PTPRD: variants seen among roughly 807,000 people sequenced by gnomAD.
PTPRD encodes protein tyrosine phosphatase receptor type D.
A neutral mutation model predicts 214.5 loss-of-function variants in PTPRD; 34 were observed. That is an observed-to-expected ratio of 0.16 (90% CI 0.12 to 0.21). The LOEUF is 0.21. PTPRD is among the 10% of genes least tolerant of loss of function. The pLI is 1.00. For synonymous variants in PTPRD, 1,128 were observed against 845.7 expected, an observed-to-expected ratio of 1.33 and a Z score of -5.79; for missense variants, 2,545 against 2,398.7, an observed-to-expected ratio of 1.06 and a Z score of -1.27.
intron 2 of PTPRD, among the ~76,000 whole-genome samples, chr9:10,550,877 T>A (rs1407559841): frequency 2.0e-5 from 3 of 152,206 alleles, no homozygotes; most frequent in African/African-American, 7.2e-5. Flanking sequence ...ATTCCACACA[T>A]CATTACATAT....
chr9:9,957,227 G>A (rs906660358), intron 4 of PTPRD, among the ~76,000 whole-genome samples: 2 of 151,976 alleles, frequency 1.3e-5, no homozygotes, highest in African/African-American at 4.8e-5. Context: ...CATTAACAGA[G>A]GCAAAGAATA....
intron 5 of PTPRD, among the ~76,000 whole-genome samples, chr9:9,868,783 TATAAACA>T (rs1277035621): frequency 7.2e-5 from 11 of 151,916 alleles, no homozygotes; most frequent in African/African-American, 2.4e-4. Flanking sequence ...ACAAATGACT[TATAAACA>T]ATAAAGAATT....
At chr9:10,563,586 T>C (rs375488956) in intron 2 of PTPRD, among the ~76,000 whole-genome samples, 1 of 152,184 alleles carries the variant, frequency 6.6e-6, no homozygotes, top group Non-Finnish European at 1.5e-5. Flanking sequence ...TTTATTTCAA[T>C]GTAGAAATTC....
chr9:10,491,523 A>G (rs1386015016), intron 2 of PTPRD, among the ~76,000 whole-genome samples: 1 of 151,970 alleles, frequency 6.6e-6, no homozygotes, highest in African/African-American at 2.4e-5. Context: ...TTGCATGCCT[A>G]CAAGATGAAC....
chr9:8,568,372 T>C (rs2090067006), intron 14 of PTPRD, among the ~76,000 whole-genome samples: 1 of 152,140 alleles, frequency 6.6e-6, no homozygotes, highest in South Asian at 2.1e-4. Context: ...GACAGCAACT[T>C]ACACATTACC....
At chr9:9,426,070 G>C (rs1034770680) in intron 8 of PTPRD, among the ~76,000 whole-genome samples, 5 of 152,068 alleles carry the variant, frequency 3.3e-5, no homozygotes, top group Non-Finnish European at 5.9e-5. Flanking sequence ...GCAGGACAGT[G>C]GATGCAGCCC....
At chr9:10,059,909 A>T (rs1166526144) in intron 3 of PTPRD, among the ~76,000 whole-genome samples, 1 of 152,056 alleles carries the variant, frequency 6.6e-6, no homozygotes, top group Non-Finnish European at 1.5e-5. Context: ...CAAAAATGTT[A>T]TTCTCAAAAT....
At position 8,521,493 on chromosome 9, in the gene PTPRD, G is replaced by T. The variant is rs757769960; in HGVS notation, c.745C>A (p.Pro249Thr). The change falls in exon 20 of 46, where the codon CCA (proline) becomes ACA (threonine). Residue 249 changes from proline to threonine, a missense_variant. Pro to Thr is a conservative substitution (Grantham distance 38). Coordinates refer to ENST00000381196, the MANE Select transcript of PTPRD (RefSeq NM_002839.4). ...CAGGTGATATTAACGCTTCCGCCTG[G>T]CATGATTTCATGATTAGTGGGTGGG... ...SIPPTNHEIM[P>T]GGSVNITCVA... 6.2e-7 allele frequency: 1 copy of T among 1,613,898 alleles called. No homozygotes were observed. Among genetic ancestry groups the T allele is most frequent in the Non-Finnish European group, 8.5e-7 (1 of 1,179,896 alleles).
chr9:9,658,222 TA>T (rs979137296), intron 7 of PTPRD, among the ~76,000 whole-genome samples: 23 of 152,196 alleles, frequency 1.5e-4, no homozygotes, highest in African/African-American at 5.5e-4. Context: ...ACTCTGATGG[TA>T]AAATCATTCA....
At chr9:9,798,528 T>G (rs2099018447) in intron 5 of PTPRD, among the ~76,000 whole-genome samples, 1 of 152,172 alleles carries the variant, frequency 6.6e-6, no homozygotes, top group African/African-American at 2.4e-5. Flanking sequence ...GGAAGGGACT[T>G]CTCAGACAAG....
chr9:10,208,272 T>C (rs1186442026), intron 3 of PTPRD, among the ~76,000 whole-genome samples: 1 of 152,184 alleles, frequency 6.6e-6, no homozygotes. Flanking sequence ...CCCAGCACTT[T>C]GGGTGGCCGA....
At chr9:10,319,347 G>T (rs560439076) in intron 3 of PTPRD, among the ~76,000 whole-genome samples, 1 of 152,162 alleles carries the variant, frequency 6.6e-6, no homozygotes, top group East Asian at 1.9e-4. Flanking sequence ...TATTGCATTA[G>T]ATTTCATATC....
At chr9:9,781,661 G>C (rs993847705) in intron 5 of PTPRD, among the ~76,000 whole-genome samples, 1 of 152,128 alleles carries the variant, frequency 6.6e-6, no homozygotes, top group East Asian at 1.9e-4. Flanking sequence ...AACTTTTGGA[G>C]TTTAGCCTTA....
intron 11 of PTPRD, among the ~76,000 whole-genome samples, chr9:8,920,941 G>C (rs145536557): frequency 6.6e-6 from 1 of 152,086 alleles, no homozygotes; most frequent in African/African-American, 2.4e-5. Flanking sequence ...AGCCTCCTGC[G>C]TAGCTGGGAT....
intron 5 of PTPRD, among the ~76,000 whole-genome samples, chr9:9,804,897 T>C (rs1296690334): frequency 6.6e-6 from 1 of 151,856 alleles, no homozygotes; most frequent in Non-Finnish European, 1.5e-5. Flanking sequence ...CCTTGTTAAG[T>C]ATTATAATTT....
In PTPRD at chr9:10,175,810, C is replaced by T. The variant is rs188001835; in HGVS notation, c.-544-142020G>A. ...TGAGGTTGTCATAAGTAATGTTATACTCAACACAGTAACACAACTTTGTCT... is the reference window on the plus strand; with the variant it reads ...TGAGGTTGTCATAAGTAATGTTATATTCAACACAGTAACACAACTTTGTCT... On this transcript the variant is annotated intron_variant, in intron 3 of 45. Transcript: ENST00000381196. 3.8e-4 allele frequency among the ~76,000 whole-genome samples: 57 copies of T among 151,948 alleles called. No homozygotes were observed. In the East Asian group the frequency reaches 0.01, roughly 28 times the overall value.
Position 10,388,094 on chromosome 9 carries a change from A to T in PTPRD, c.-599-47077T>A, listed in dbSNP as rs563537345. 3.0e-4 allele frequency among the ~76,000 whole-genome samples: 45 copies of T among 151,960 alleles called. 1 individual carries two copies. In the South Asian group the frequency reaches 9.1e-3, roughly 31 times the overall value. ...GAATTGCAACTTACATGCTAAAAACATGATAAATACCATTTCTCTCCTCAA... is the reference window on the plus strand; with the variant it reads ...GAATTGCAACTTACATGCTAAAAACTTGATAAATACCATTTCTCTCCTCAA... On this transcript the variant is annotated intron_variant, in intron 2 of 45. Coordinates refer to ENST00000381196, the MANE Select transcript of PTPRD (RefSeq NM_002839.4).
At chr9:9,156,398 T>C (rs573395133) in intron 10 of PTPRD, among the ~76,000 whole-genome samples, 15 of 151,760 alleles carry the variant, frequency 9.9e-5, no homozygotes, top group Non-Finnish European at 1.6e-4. Flanking sequence ...ATTTAAAAAG[T>C]AAGCAGATTC....
chr9:8,353,910 G>A (rs141728315), intron 39 of PTPRD, among the ~76,000 whole-genome samples: 2,204 of 100,666 alleles, frequency 0.022, 154 homozygotes, highest in South Asian at 0.11. Flanking sequence ...GTATATATGT[G>A]TATATATGTA....
Sources: allele counts gnomAD v4.1 joint callset (sites outside exome capture counted in the v4.1 genomes callset), GRCh38; gene constraint gnomAD v4.1.1; transcripts MANE v1.5; gene names NCBI Gene and HGNC (gene_info 2026-07-23, HGNC 2026-07-21).